The following UPF2 variants were observed in gnomAD, a reference collection of about 807,000 sequenced individuals.
The protein encoded by UPF2 is UPF2 regulator of nonsense mediated mRNA decay, also known as regulator of nonsense transcripts 2.
In UPF2, 17 loss-of-function variants were observed where a neutral mutation model predicts 141.4. The observed-to-expected ratio is 0.12, with a 90% CI of 0.08 to 0.18. UPF2 has a LOEUF of 0.18. Ranked by LOEUF, UPF2 falls within the 10% of genes least tolerant of loss-of-function variation. UPF2 has a pLI of 1.00. For missense variants in UPF2, 1,152 were observed against 1,515.9 expected (o/e 0.76, Z 3.99); for synonymous variants, 540 against 498.0 (o/e 1.08, Z -1.12).
chr10:11,957,790 C>T (rs1025599851), intron 12 of UPF2, among the ~76,000 whole-genome samples: 2 of 152,022 alleles, frequency 1.3e-5, no homozygotes, highest in African/African-American at 4.8e-5. Flanking sequence ...AGTGTTGGCT[C>T]ATAGGCATGA....
At position 11,979,288 on chromosome 10, in the gene UPF2, C is replaced by G. The variant is rs907836556; in HGVS notation, c.1845-123G>C. 6.7e-6 allele frequency: 4 copies of G among 596,246 alleles called. No homozygotes were observed. The highest frequency in any genetic ancestry group is 5.5e-5 in the African/African-American group (3 of 54,344). The allele number at this position is 596,246 out of a possible 1,614,324, so 36.9% of individuals were successfully genotyped here. On this transcript the variant is annotated intron_variant, in intron 8 of 21. Transcript: ENST00000357604. The surrounding 1 kb of genome is among the most constrained non-coding windows in gnomAD (Gnocchi z 6.2). ...ATCTTAAAACTCATAATCATACAGA[C>G]ATGCCTATTTATTGCCATCATAAAG...
At chr10:11,926,333 T>C (rs981054157) in intron 21 of UPF2, among the ~76,000 whole-genome samples, 2 of 151,092 alleles carry the variant, frequency 1.3e-5, no homozygotes, top group Non-Finnish European at 2.9e-5. Context: ...CACAGTGGGG[T>C]GGAAAGTCAG....
chr10:12,000,145 A>G, intron 6 of UPF2, 136 bp from the exon 7 acceptor site: 1 of 673,560 alleles, frequency 1.5e-6, no homozygotes, highest in Non-Finnish European at 2.5e-6. Flanking sequence ...CATTTTTTAG[A>G]ATATTATCCT....
At chr10:12,025,455 G>A (rs1157268004) in intron 3 of UPF2, among the ~76,000 whole-genome samples, 2 of 152,090 alleles carry the variant, frequency 1.3e-5, no homozygotes, top group African/African-American at 4.8e-5. Flanking sequence ...GGAAGCTGAG[G>A]TAGGAGAATT....
At chr10:12,034,427 ATTC>A (rs1331716095) in intron 2 of UPF2, among the ~76,000 whole-genome samples, 1 of 151,974 alleles carries the variant, frequency 6.6e-6, no homozygotes, top group African/African-American at 2.4e-5. Context: ...GGTTCAAGCG[ATTC>A]TCCTACTTCA....
chr10:11,938,842 G>GTTT lies in UPF2; in HGVS notation c.3379-2133_3379-2131dup, dbSNP rs1204744093. On this transcript the variant is annotated intron_variant, in intron 18 of 21. Coordinates refer to ENST00000357604, the MANE Select transcript of UPF2 (RefSeq NM_015542.4). ...GTCCTAGCCATGTGGTCTTAAGCAAGTTTTTTTTTTGTTTTTTTTTTTTTT... is the reference window on the plus strand; with the variant it reads ...GTCCTAGCCATGTGGTCTTAAGCAAGTTTTTTTTTTTTTGTTTTTTTTTTTTTT... 3.8e-3 allele frequency among the ~76,000 whole-genome samples: 174 copies of GTTT among 45,828 alleles called. 8 individuals carry two copies. Among genetic ancestry groups the GTTT allele is most frequent in the Middle Eastern group, 0.017 (1 of 58 alleles). 30.1% of individuals were successfully genotyped at this position (45,828 alleles called of 152,430 possible).
At chr10:11,950,433 G>GCA (rs1243040693) in intron 15 of UPF2, among the ~76,000 whole-genome samples, 3 of 152,112 alleles carry the variant, frequency 2.0e-5, no homozygotes, top group Non-Finnish European at 4.4e-5. Context: ...ACTTGGGAGT[G>GCA]CACTGATTGC....
intron 21 of UPF2, among the ~76,000 whole-genome samples, chr10:11,922,314 T>C (rs972268050): frequency 2.0e-5 from 3 of 152,236 alleles, no homozygotes; most frequent in African/African-American, 7.2e-5. Flanking sequence ...GAACAGTTTG[T>C]TTCTTACAGA....
intron 8 of UPF2, among the ~76,000 whole-genome samples, chr10:11,994,993 A>T (rs921307794): frequency 3.5e-4 from 51 of 145,734 alleles, no homozygotes; most frequent in Non-Finnish European, 6.1e-5. Flanking sequence ...AAAAAAAAAA[A>T]AAAAAAAAAA....
chr10:12,037,117 C>T (rs552156231), intron 1 of UPF2, among the ~76,000 whole-genome samples: 45 of 152,262 alleles, frequency 3.0e-4, no homozygotes, highest in African/African-American at 9.6e-4. Flanking sequence ...CAGGGTCTCA[C>T]TTTGTCGCCC....
chr10:11,959,346 A>G lies in UPF2; in HGVS notation c.2195T>C (p.Met732Thr). The G allele has an allele frequency of 6.4e-7, 1 of 1,563,796 alleles. No homozygotes were observed. Among genetic ancestry groups the G allele is most frequent in the Non-Finnish European group, 8.6e-7 (1 of 1,160,010 alleles). ...LRTSVLLEQM[M>T]RKKQAMHLDA... ...AAGATGCATTGCTTGCTTCTTTCTC[A>G]TCATTTGCTCCTGAAATAAAAAGTC... The change falls in exon 12 of 22, where the codon ATG becomes ACG. Residue 732 changes from methionine to threonine, a missense_variant. Physicochemically the swap from Met to Thr is moderately conservative, Grantham distance 81 (BLOSUM62 -1). Coordinates refer to ENST00000357604, the MANE Select transcript of UPF2 (RefSeq NM_015542.4). This position sits in a 1 kb window ranked among gnomAD's most constrained non-coding sequence, Gnocchi z 5.9.
chr10:11,938,868 T>TTTTTTTTTTTTTTTTTTTTTTTTTTTG (rs1832897282), intron 18 of UPF2, among the ~76,000 whole-genome samples: 44 of 90,846 alleles, frequency 4.8e-4, no homozygotes, highest in Non-Finnish European at 7.6e-4. Context: ...TTTTTTTTTT[T>TTTTTTTTTTTTTTTTTTTTTTTTTTTG]TTTTTTTTTT....
At chr10:11,991,214 T>G (rs537887201) in intron 8 of UPF2, among the ~76,000 whole-genome samples, 1 of 152,084 alleles carries the variant, frequency 6.6e-6, no homozygotes, top group Admixed American at 6.6e-5. Flanking sequence ...CAGTTTTCCA[T>G]GCATTTTTTA....
At chr10:12,040,745 TTC>T (rs1362481958) in intron 1 of UPF2, among the ~76,000 whole-genome samples, 1 of 152,190 alleles carries the variant, frequency 6.6e-6, no homozygotes, top group African/African-American at 2.4e-5. Context: ...AGGCAACAAC[TTC>T]TCTGAGTCCA....
At chr10:12,039,433 G>A (rs1834694339) in intron 1 of UPF2, among the ~76,000 whole-genome samples, 1 of 152,124 alleles carries the variant, frequency 6.6e-6, no homozygotes, top group Non-Finnish European at 1.5e-5. Flanking sequence ...GACTCTGGCT[G>A]AAACATATGG....
At position 11,936,838 on chromosome 10, in the gene UPF2, C is replaced by T. The variant is rs1045284174; in HGVS notation, c.3379-126G>A. 6.9e-6 allele frequency: 6 copies of T among 864,118 alleles called. No homozygotes were observed. The highest frequency in any genetic ancestry group is 3.0e-5 in the East Asian group (1 of 33,354). 53.5% of individuals were successfully genotyped at this position (864,118 alleles called of 1,614,324 possible). A position where few individuals can be genotyped will look rare whatever the true frequency, so the allele number is the denominator to read the frequency against. On this transcript the variant is annotated intron_variant, in intron 18 of 21. Coordinates refer to ENST00000357604, the MANE Select transcript of UPF2 (RefSeq NM_015542.4). This position sits in a 1 kb window ranked among gnomAD's most constrained non-coding sequence, Gnocchi z 6.6. ...CAACAATCATAAGAGCCATAACAGT[C>T]AACAATTACAACCACCATAATACTC...
chr10:12,004,499 T>C (rs1834002723), intron 5 of UPF2, 31 bp downstream of exon 5: 1 of 1,549,998 alleles, frequency 6.5e-7, no homozygotes, highest in Non-Finnish European at 8.8e-7. Context: ...CTTATAGCAC[T>C]TAATGTAAAT....
At chr10:11,972,909 TG>T (rs1336061686) in intron 9 of UPF2, among the ~76,000 whole-genome samples, 1 of 152,240 alleles carries the variant, frequency 6.6e-6, no homozygotes, top group African/African-American at 2.4e-5. Context: ...AGTAATGGGA[TG>T]GTGCGGTCAA....
In UPF2 at chr10:11,998,497, C is replaced by T. The variant is rs1161500501; in HGVS notation, c.1759-740G>A. Among the ~76,000 whole-genome samples, 1 of 152,100 alleles carries T rather than the reference C, an allele frequency of 6.6e-6. No individual in the cohort carries two copies. Among genetic ancestry groups the T allele is most frequent in the African/African-American group, 2.4e-5 (1 of 41,436 alleles). On this transcript the variant is annotated intron_variant, in intron 7 of 21. Coordinates refer to ENST00000357604, the MANE Select transcript of UPF2 (RefSeq NM_015542.4). The surrounding 1 kb of genome is among the most constrained non-coding windows in gnomAD (Gnocchi z 4.5). ...TGCCAGGCTCCAGGGATCCTCCTGC[C>T]TCAGCTCCCGGCCAAGCAGCTGAGA...
Sources: gnomAD v4.1 joint callset for allele counts (sites outside exome capture counted in the v4.1 genomes callset) on GRCh38, gnomAD v4.1.1 for gene constraint, Gnocchi (gnomAD v3.1) non-coding constraint, MANE v1.5 for transcripts, NCBI Gene and HGNC (gene_info 2026-07-23, HGNC 2026-07-21) for gene names.